Variants in NELL1 observed in about 807,000 individuals in gnomAD.
NELL1 encodes the protein protein kinase C-binding protein NELL1.
NELL1 carries 76 observed loss-of-function variants against 107.4 expected under a neutral mutation model. The observed-to-expected ratio is 0.71, with a 90% CI of 0.59 to 0.86. The LOEUF (loss-of-function observed/expected upper bound fraction) is 0.86. Ranked by LOEUF, NELL1 falls within the 40% of genes least tolerant of loss-of-function variation. NELL1 has a pLI of 0.00. For missense variants in NELL1, 1,024 were observed against 1,005.5 expected, an observed-to-expected ratio of 1.02 and a Z score of -0.25; for synonymous variants, 353 against 341.2, an observed-to-expected ratio of 1.03 and a Z score of -0.38.
At chr11:20,745,491 A>G (rs1334427409) in intron 2 of NELL1, among the ~76,000 whole-genome samples, 2 of 152,216 alleles carry the variant, frequency 1.3e-5, no homozygotes, top group African/African-American at 2.4e-5. Context: ...CCATCTGCAC[A>G]TGTTCATACA....
At chr11:21,300,505 C>T (rs761749990) in intron 14 of NELL1, among the ~76,000 whole-genome samples, 43 of 151,856 alleles carry the variant, frequency 2.8e-4, no homozygotes, top group Non-Finnish European at 5.3e-4. Flanking sequence ...ACTTTGGCTG[C>T]TGTGTGGATG....
In NELL1 at chr11:20,911,415, C is replaced by T. The variant is rs185677210; in HGVS notation, c.604-6767C>T. ...ATTGGACTCAGATTAAGTAAGTTGC[C>T]AACCTTATATAGCCCAGAAGTGATG... is the stretch of plus-strand genomic sequence containing the variant. On this transcript the variant is annotated intron_variant, in intron 5 of 19. Transcript: ENST00000357134. Among the ~76,000 whole-genome samples the T allele has an allele frequency of 3.6e-3, 554 of 152,276 alleles. 5 individuals are homozygous for T. The highest frequency in any genetic ancestry group is 0.013 in the African/African-American group (532 of 41,550).
At chr11:20,996,453 T>A (rs1180264739) in intron 12 of NELL1, among the ~76,000 whole-genome samples, 1 of 152,186 alleles carries the variant, frequency 6.6e-6, no homozygotes, top group Admixed American at 6.5e-5. Flanking sequence ...ACCTCTGCTG[T>A]CACTGGGGCT....
At chr11:20,982,180 A>G (rs1369216867) in intron 12 of NELL1, among the ~76,000 whole-genome samples, 1 of 152,162 alleles carries the variant, frequency 6.6e-6, no homozygotes, top group Non-Finnish European at 1.5e-5. Flanking sequence ...TAACATAGTG[A>G]GTAGCCAGTC....
chr11:20,746,211 C>T (rs2133939469), intron 2 of NELL1, among the ~76,000 whole-genome samples: 1 of 152,246 alleles, frequency 6.6e-6, no homozygotes, highest in South Asian at 2.1e-4. Context: ...GGGAGAAGCA[C>T]AGGGTCTGCT....
chr11:21,242,753 C>A (rs1270936795), intron 14 of NELL1, among the ~76,000 whole-genome samples: 2 of 152,076 alleles, frequency 1.3e-5, no homozygotes, highest in South Asian at 4.1e-4. Flanking sequence ...TGGCTTCAAT[C>A]AAATTAAAGA....
chr11:20,994,858 G>A (rs1296686394), intron 12 of NELL1, among the ~76,000 whole-genome samples: 1 of 152,158 alleles, frequency 6.6e-6, no homozygotes, highest in Non-Finnish European at 1.5e-5. Flanking sequence ...TTTGGAGGCT[G>A]TTGCAATAAA....
intron 14 of NELL1, among the ~76,000 whole-genome samples, chr11:21,277,818 G>A (rs1010293670): frequency 4.6e-5 from 7 of 152,046 alleles, no homozygotes; most frequent in East Asian, 1.9e-4. Flanking sequence ...CAAACACTGC[G>A]TGTTCTCAGT....
intron 12 of NELL1, among the ~76,000 whole-genome samples, chr11:21,077,866 A>G (rs1335794853): frequency 1.4e-4 from 21 of 152,218 alleles, no homozygotes; most frequent in Admixed American, 1.4e-3. Context: ...GCAGAGGGAA[A>G]GAAAGACAGA....
At chr11:20,871,782 G>A (rs552260414) in intron 4 of NELL1, among the ~76,000 whole-genome samples, 43 of 152,032 alleles carry the variant, frequency 2.8e-4, no homozygotes, top group African/African-American at 9.9e-4. Flanking sequence ...CACTTTGGGA[G>A]GCCGAGGCGG....
chr11:21,076,494 CAGTT>C (rs1854139391), intron 12 of NELL1, among the ~76,000 whole-genome samples: 2 of 152,206 alleles, frequency 1.3e-5, no homozygotes, highest in African/African-American at 4.8e-5. Context: ...TAAACTCTCT[CAGTT>C]TCCTAGGACA....
chr11:21,157,217 A>C (rs1383189554), intron 13 of NELL1, among the ~76,000 whole-genome samples: 2 of 151,934 alleles, frequency 1.3e-5, no homozygotes, highest in African/African-American at 4.8e-5. Context: ...AATTAAAGAA[A>C]TGAAACATCC....
intron 15 of NELL1, among the ~76,000 whole-genome samples, chr11:21,467,651 A>G (rs576826206): frequency 6.6e-6 from 1 of 152,092 alleles, no homozygotes; most frequent in South Asian, 2.1e-4. Context: ...ATTTCCTTAT[A>G]TAGTTTATAT....
At position 20,858,598 on chromosome 11, in the gene NELL1, A is replaced by G. The variant is rs1848923288; in HGVS notation, c.506+10845A>G. On this transcript the variant is annotated intron_variant, in intron 4 of 19. Transcript: ENST00000357134. ...GAAGGATGACCTTCTCCAACCAGGT[A>G]TGAGGACAATGATGATCTGTTGTTG... is the stretch of plus-strand genomic sequence containing the variant. Among the ~76,000 whole-genome samples the G allele has an allele frequency of 2.0e-5, 3 of 152,206 alleles. No homozygotes were observed. In the South Asian group the frequency reaches 6.2e-4, roughly 32 times the overall value.
At chr11:21,052,595 A>G (rs899942548) in intron 12 of NELL1, among the ~76,000 whole-genome samples, 1 of 152,136 alleles carries the variant, frequency 6.6e-6, no homozygotes, top group Non-Finnish European at 1.5e-5. Context: ...ATAGTGAGGA[A>G]GGAAATCTCC....
chr11:21,214,235 A>G (rs1857565076), intron 13 of NELL1, among the ~76,000 whole-genome samples: 1 of 152,192 alleles, frequency 6.6e-6, no homozygotes. Context: ...CAGGGAGCAT[A>G]CTTTGACAAT....
chr11:20,902,281 T>C (rs972199054), intron 5 of NELL1, among the ~76,000 whole-genome samples: 1 of 152,126 alleles, frequency 6.6e-6, no homozygotes, highest in Non-Finnish European at 1.5e-5. Context: ...AAACCTTTTT[T>C]TTTTAACTCA....
chr11:21,004,556 G>T (rs1002419484), intron 12 of NELL1, among the ~76,000 whole-genome samples: 2 of 152,030 alleles, frequency 1.3e-5, no homozygotes, highest in Admixed American at 6.6e-5. Flanking sequence ...GGTCTCCACA[G>T]GGAGGTTTTC....
intron 2 of NELL1, among the ~76,000 whole-genome samples, chr11:20,782,995 A>G (rs532378544): frequency 6.6e-6 from 1 of 152,362 alleles, no homozygotes; most frequent in East Asian, 1.9e-4. Context: ...CTCAACTTCA[A>G]TAAATATTTC....
Sources: allele counts gnomAD v4.1 joint callset (sites outside exome capture counted in the v4.1 genomes callset), GRCh38; gene constraint gnomAD v4.1.1; transcripts MANE v1.5; gene names NCBI Gene and HGNC (gene_info 2026-07-23, HGNC 2026-07-21).